Variants in SRGAP3 observed in about 807,000 individuals in gnomAD.
SRGAP3 encodes SLIT-ROBO Rho GTPase-activating protein 3.
In SRGAP3, 39 loss-of-function variants were observed where a neutral mutation model predicts 121.1. The observed-to-expected ratio is 0.32, with a 90% CI of 0.25 to 0.42. The LOEUF (loss-of-function observed/expected upper bound fraction) is 0.42. SRGAP3 is among the 10% of genes least tolerant of loss of function. The pLI is 1.00. For synonymous variants in SRGAP3, 601 were observed against 570.0 expected (o/e 1.05, Z -0.77); for missense variants, 1,213 against 1,470.6 (o/e 0.82, Z 2.86).
intron 1 of SRGAP3, among the ~76,000 whole-genome samples, chr3:9,153,434 G>C (rs1210626159): frequency 6.6e-6 from 1 of 152,134 alleles, no homozygotes; most frequent in African/African-American, 2.4e-5. Flanking sequence ...GAGTCACACA[G>C]TTATGAAAAC....
chr3:9,203,700 C>T (rs1952152191), intron 1 of SRGAP3, among the ~76,000 whole-genome samples: 1 of 152,216 alleles, frequency 6.6e-6, no homozygotes, highest in Non-Finnish European at 1.5e-5. Context: ...TTGTATGCCC[C>T]TGTGCCCACC....
At chr3:9,004,140 A>G (rs2124993897) in intron 18 of SRGAP3, among the ~76,000 whole-genome samples, 1 of 152,312 alleles carries the variant, frequency 6.6e-6, no homozygotes, top group Non-Finnish European at 1.5e-5. Flanking sequence ...TTTCACTTAC[A>G]TTAGCATAAA....
chr3:9,340,960 G>A (rs1391728378), intron 1 of SRGAP3, among the ~76,000 whole-genome samples: 1 of 152,182 alleles, frequency 6.6e-6, no homozygotes, highest in Non-Finnish European at 1.5e-5. Context: ...CAATTCTAGA[G>A]GCTGGAAGTC....
At chr3:9,035,369 C>G (rs1944697915) in intron 11 of SRGAP3, 1 of 168,650 alleles carries the variant, frequency 5.9e-6, no homozygotes, top group Admixed American at 6.4e-5. Flanking sequence ...CCTGCCCAAT[C>G]CAGAAAGCAA....
rs1443805568 is a variant in SRGAP3 at position 9,010,314 on chromosome 3, C to T, written c.2221G>A (p.Asp741Asn). The T allele has an allele frequency of 5.0e-6, 8 of 1,614,116 alleles. No homozygotes were observed. The highest frequency in any genetic ancestry group is 5.9e-6 in the Non-Finnish European group (7 of 1,180,010). ...CAGGATCCCCCTCACTCACCTTCAT[C>T]GCTGGTATGAGGCTCAGTGCCATTG... ...HDNGTEPHTSDEEVEQIEAIA... is the reference protein window; with the variant it reads ...HDNGTEPHTSNEEVEQIEAIA... The change falls in exon 18 of 22, where the codon GAT becomes AAT. Residue 741 changes from aspartate (D) to asparagine (N), a missense_variant. By Grantham distance (23) the Asp-to-Asn change is conservative (BLOSUM62 1). Around this residue, in one of 2 missense-constraint regions of SRGAP3, gnomAD observed 793 missense variants for 1,032.9 expected, o/e 0.77. Coordinates refer to ENST00000383836, the MANE Select transcript of SRGAP3 (RefSeq NM_014850.4).
intron 3 of SRGAP3, among the ~76,000 whole-genome samples, chr3:9,302,748 G>A (rs1320783007): frequency 6.6e-6 from 1 of 152,132 alleles, no homozygotes; most frequent in Non-Finnish European, 1.5e-5. Context: ...TCCTATCCCG[G>A]GGGAAGAGCG....
intron 11 of SRGAP3, 103 bp downstream of exon 11, chr3:9,037,960 G>A (rs1365268801): frequency 2.0e-6 from 3 of 1,500,352 alleles, no homozygotes; most frequent in Admixed American, 3.3e-5. Flanking sequence ...CATTGGTGAA[G>A]AAGCCATCCC....
intron 14 of SRGAP3, among the ~76,000 whole-genome samples, chr3:9,024,795 G>C (rs777455167): frequency 6.6e-6 from 1 of 152,186 alleles, no homozygotes; most frequent in Non-Finnish European, 1.5e-5. Context: ...TATTTTCTAT[G>C]TTCTTCCAAT....
At chr3:9,086,517 C>CAAA (rs1242587521) in intron 3 of SRGAP3, among the ~76,000 whole-genome samples, 16 of 87,078 alleles carry the variant, frequency 1.8e-4, no homozygotes, top group African/African-American at 5.9e-4. Flanking sequence ...GAGACTGTTT[C>CAAA]AAAAAAAAAA....
At chr3:9,028,722 T>C (rs1395727525) in intron 12 of SRGAP3, among the ~76,000 whole-genome samples, 1 of 152,170 alleles carries the variant, frequency 6.6e-6, no homozygotes, top group Non-Finnish European at 1.5e-5. Context: ...CAGCTTCCCA[T>C]GTTTCCCTGC....
chr3:9,320,623 T>C (rs372151233), intron 3 of SRGAP3, among the ~76,000 whole-genome samples: 49 of 152,066 alleles, frequency 3.2e-4, no homozygotes, highest in African/African-American at 1.2e-3. Context: ...TGCAGAACCA[T>C]GAGCCAATTA....
intron 1 of SRGAP3, among the ~76,000 whole-genome samples, chr3:9,211,757 C>T (rs1341595176): frequency 6.6e-6 from 1 of 151,200 alleles, no homozygotes; most frequent in East Asian, 2.0e-4. Flanking sequence ...AGCCTCACAG[C>T]CTCAACCTCC....
chr3:9,057,361 A>T (rs1007260867), intron 7 of SRGAP3, among the ~76,000 whole-genome samples: 1 of 152,216 alleles, frequency 6.6e-6, no homozygotes, highest in African/African-American at 2.4e-5. Flanking sequence ...TTTGCTACTA[A>T]TTGCACAACC....
At chr3:9,148,888 G>A (rs1950115033) in intron 1 of SRGAP3, among the ~76,000 whole-genome samples, 1 of 152,202 alleles carries the variant, frequency 6.6e-6, no homozygotes, top group Non-Finnish European at 1.5e-5. Context: ...TATGTGAGTT[G>A]AGCAGCATCA....
chr3:9,096,716 T>C (rs1304424624), intron 3 of SRGAP3, among the ~76,000 whole-genome samples: 2 of 151,528 alleles, frequency 1.3e-5, no homozygotes. Context: ...ACCACCATCA[T>C]TTAGAACTAA....
At chr3:9,333,769 A>G (rs1165689722) in intron 1 of SRGAP3, among the ~76,000 whole-genome samples, 1 of 152,148 alleles carries the variant, frequency 6.6e-6, no homozygotes, top group East Asian at 1.9e-4. Flanking sequence ...ATCATAGGCA[A>G]TTTTTAAACA....
Position 9,195,241 on chromosome 3 carries a change from T to C in SRGAP3, c.67+53644A>G, listed in dbSNP as rs576896628. 5.3e-5 allele frequency among the ~76,000 whole-genome samples: 8 copies of C among 152,380 alleles called. No individual in the cohort carries two copies. In the South Asian group the frequency reaches 1.7e-3, roughly 32 times the overall value. Reference sequence around the variant, plus strand: ...AAAATAATTAGGAAGTGATGACTTTTGAATATGTATTTCCATTGTTTCAGC... The same window carrying C: ...AAAATAATTAGGAAGTGATGACTTTCGAATATGTATTTCCATTGTTTCAGC... On this transcript the variant is annotated intron_variant, in intron 1 of 21. Transcript: ENST00000383836.
chr3:9,337,922 T>C (rs911820786), intron 1 of SRGAP3, among the ~76,000 whole-genome samples: 1 of 152,220 alleles, frequency 6.6e-6, no homozygotes, highest in Admixed American at 6.5e-5. Flanking sequence ...TTGTCAATTC[T>C]GGCATTTGAT....
At position 9,018,806 on chromosome 3, in the gene SRGAP3, A is replaced by G. The variant is rs1574917679; in HGVS notation, c.1679-3075T>C. ...AATGCACAAAGCATTTATAGGGTCC[A>G]AAAGTCAAAAGTTGCACTCAGAAAA... is the stretch of plus-strand genomic sequence containing the variant. On this transcript the variant is annotated intron_variant, in intron 14 of 21. Transcript: ENST00000383836. 4.6e-5 allele frequency among the ~76,000 whole-genome samples: 7 copies of G among 152,352 alleles called. No individual in the cohort carries two copies. The South Asian group carries it at 1.4e-3, about 32-fold the overall frequency.
Sources: gnomAD v4.1 joint callset for allele counts (sites outside exome capture counted in the v4.1 genomes callset) on GRCh38, gnomAD v4.1.1 for gene constraint, gnomAD v4.1.1 regional missense constraint, MANE v1.5 for transcripts, NCBI Gene and HGNC (gene_info 2026-07-23, HGNC 2026-07-21) for gene names.